The following SMAD1 variants were observed in gnomAD, a reference collection of about 807,000 sequenced individuals.
The protein encoded by SMAD1 is MAD, mothers against decapentaplegic homolog 1.
A neutral mutation model predicts 41.6 loss-of-function variants in SMAD1; 6 were observed. The ratio of observed to expected loss-of-function variants is 0.14; its 90% CI spans 0.08 to 0.28. The LOEUF (loss-of-function observed/expected upper bound fraction) is 0.28. Among genes scored for constraint, SMAD1 ranks in the 10% least tolerant of loss-of-function variants. The probability of loss-of-function intolerance (pLI) is 1.00; values close to 1 mark genes in which losing one functional copy is unlikely to be tolerated. For synonymous variants in SMAD1, 206 were observed against 203.2 expected, an observed-to-expected ratio of 1.01 and a Z score of -0.12; for missense variants, 379 against 582.6, an observed-to-expected ratio of 0.65 and a Z score of 3.60.
chr4:145,541,691 T>G (rs2126517951), intron 3 of SMAD1, among the ~76,000 whole-genome samples: 1 of 152,276 alleles, frequency 6.6e-6, no homozygotes, highest in Admixed American at 6.5e-5. Context: ...ACATGAGTTG[T>G]TTGTATTTGA....
At chr4:145,493,413 A>G (rs1479563821) in intron 1 of SMAD1, among the ~76,000 whole-genome samples, 3 of 152,196 alleles carry the variant, frequency 2.0e-5, no homozygotes, top group Non-Finnish European at 4.4e-5. Context: ...AACATATTTA[A>G]TAACAACCTC....
At position 145,528,578 on chromosome 4, in the gene SMAD1, C is replaced by T. The variant is rs557329170; in HGVS notation, c.401-11226C>T. Among the ~76,000 whole-genome samples, 15 of 152,284 alleles carry T rather than the reference C, an allele frequency of 9.9e-5. No individual in the cohort carries two copies. In the South Asian group the frequency reaches 2.3e-3, roughly 23 times the overall value. On this transcript the variant is annotated intron_variant, in intron 2 of 6. Transcript: ENST00000302085. ...TATTAGATACCAAGTATCTCATTTT[C>T]GTGGAATATATTTAATTGCATCAAA...
chr4:145,488,696 C>T (rs538117664), intron 1 of SMAD1, among the ~76,000 whole-genome samples: 37 of 152,042 alleles, frequency 2.4e-4, no homozygotes, highest in African/African-American at 8.0e-4. Context: ...GGAAAAGAAA[C>T]GTATCTTTTT....
intron 3 of SMAD1, 50 bp from the exon 4 acceptor site, chr4:145,542,532 C>A: frequency 1.8e-6 from 2 of 1,081,144 alleles, no homozygotes; most frequent in Non-Finnish European, 2.8e-6. Context: ...GTGTTTTGAG[C>A]ATGTATGTTT....
intron 2 of SMAD1, among the ~76,000 whole-genome samples, chr4:145,532,357 G>A (rs974642802): frequency 1.3e-5 from 2 of 152,208 alleles, no homozygotes; most frequent in Non-Finnish European, 2.9e-5. Flanking sequence ...GATAGCTTCA[G>A]CCTTTTAAAG....
At chr4:145,556,582 A>G (rs2013367) in intron 6 of SMAD1, among the ~76,000 whole-genome samples, 88,021 of 151,734 alleles carry the variant, frequency 0.58, 26,397 homozygotes, top group African/African-American at 0.71. Context: ...TCAGCCTCCC[A>G]AGCATGCTGG....
chr4:145,498,275 T>A (rs1245673875), intron 1 of SMAD1, among the ~76,000 whole-genome samples: 1 of 152,256 alleles, frequency 6.6e-6, no homozygotes, highest in Non-Finnish European at 1.5e-5. Flanking sequence ...TTTGATTATG[T>A]GCCTGAATCC....
At chr4:145,500,093 G>A (rs895788405) in intron 1 of SMAD1, among the ~76,000 whole-genome samples, 7 of 152,090 alleles carry the variant, frequency 4.6e-5, no homozygotes, top group Non-Finnish European at 7.4e-5. Context: ...AGAATCTGAC[G>A]ACTTCTGCCA....
At chr4:145,490,337 T>G (rs149026183) in intron 1 of SMAD1, among the ~76,000 whole-genome samples, 1 of 152,310 alleles carries the variant, frequency 6.6e-6, no homozygotes, top group East Asian at 1.9e-4. Context: ...TTTGCTGATT[T>G]TCCTGTATTG....
At chr4:145,546,497 C>T in intron 4 of SMAD1, 1 of 544,824 alleles carries the variant, frequency 1.8e-6, no homozygotes, top group Non-Finnish European at 3.3e-6. Context: ...AATTGTTCTC[C>T]AATTTTCTCC....
chr4:145,552,043 T>C (rs746048314), intron 5 of SMAD1, among the ~76,000 whole-genome samples: 1 of 152,212 alleles, frequency 6.6e-6, no homozygotes, highest in Non-Finnish European at 1.5e-5. Flanking sequence ...CAAAGACATT[T>C]TAATGATACC....
chr4:145,502,681 A>C (rs957696905), intron 1 of SMAD1, among the ~76,000 whole-genome samples: 1 of 152,344 alleles, frequency 6.6e-6, no homozygotes, highest in East Asian at 1.9e-4. Context: ...AATAAACTAC[A>C]GTTATATCCT....
chr4:145,537,423 A>T (rs1284017590), intron 2 of SMAD1, among the ~76,000 whole-genome samples: 1 of 152,134 alleles, frequency 6.6e-6, no homozygotes, highest in Non-Finnish European at 1.5e-5. Context: ...AAAATTGGTG[A>T]ATCTGGGTAA....
chr4:145,496,655 G>A (rs1015658858), intron 1 of SMAD1, among the ~76,000 whole-genome samples: 3 of 152,100 alleles, frequency 2.0e-5, no homozygotes, highest in African/African-American at 4.8e-5. Context: ...GTTTATGCAC[G>A]AGTTCCACAG....
chr4:145,554,564 T>G (rs540677829), intron 6 of SMAD1, among the ~76,000 whole-genome samples: 1 of 152,300 alleles, frequency 6.6e-6, no homozygotes, highest in South Asian at 2.1e-4. Context: ...TTTCTTACAA[T>G]TCAGAAGTTA....
chr4:145,542,754 T>TA, intron 4 of SMAD1, 56 bp downstream of exon 4: 1 of 1,192,834 alleles, frequency 8.4e-7, no homozygotes, highest in South Asian at 1.3e-5. Flanking sequence ...GTCCAGATGT[T>TA]ACTTTCTCTC....
In SMAD1 at chr4:145,505,677, A is replaced by G. The variant is rs538394194; in HGVS notation, c.-176-8761A>G. 9.8e-4 allele frequency among the ~76,000 whole-genome samples: 149 copies of G among 151,948 alleles called. 1 individual carries two copies. Among genetic ancestry groups the G allele is most frequent in the African/African-American group, 3.1e-3 (130 of 41,454 alleles). On this transcript the variant is annotated intron_variant, in intron 1 of 6. Coordinates refer to ENST00000302085, the MANE Select transcript of SMAD1 (RefSeq NM_005900.3). ...ATGCAGTTTGCTTATAATCACTCTG[A>G]AGCCCACCATAGGTCTACTCTGGAA...
chr4:145,554,708 T>C (rs1380858663), intron 6 of SMAD1, among the ~76,000 whole-genome samples: 4 of 152,178 alleles, frequency 2.6e-5, no homozygotes, highest in Admixed American at 2.0e-4. Context: ...CTCTGAGAAA[T>C]AAAAATTTTT....
chr4:145,513,046 G>A (rs7655568), intron 1 of SMAD1, among the ~76,000 whole-genome samples: 13,409 of 152,144 alleles, frequency 0.088, 1,040 homozygotes, highest in African/African-American at 0.2. Flanking sequence ...AACTCCATTT[G>A]TTGCTGTGTT....
Sources: gnomAD v4.1 joint callset for allele counts (sites outside exome capture counted in the v4.1 genomes callset) on GRCh38, gnomAD v4.1.1 for gene constraint, MANE v1.5 for transcripts, NCBI Gene and HGNC (gene_info 2026-07-23, HGNC 2026-07-21) for gene names.